The following FBXL16 variants were observed in gnomAD, a reference collection of about 807,000 sequenced individuals.
The protein encoded by FBXL16 is F-box and leucine rich repeat protein 16, also known as F-box/LRR-repeat protein 16.
In FBXL16, 7 loss-of-function variants were observed where a neutral mutation model predicts 36.7. The ratio of observed to expected loss-of-function variants is 0.19; its 90% CI spans 0.11 to 0.36. The LOEUF is 0.36. Among genes scored for constraint, FBXL16 ranks in the 10% least tolerant of loss-of-function variants. FBXL16 has a pLI of 1.00. For synonymous variants in FBXL16, 355 were observed against 308.7 expected (o/e 1.15, Z -1.57); for missense variants, 463 against 659.4 (o/e 0.70, Z 3.26).
Position 695,492 on chromosome 16 carries a change from C to G in FBXL16, c.1065G>C (p.Trp355Cys). The G allele has an allele frequency of 6.3e-7, 1 of 1,590,664 alleles. No individual in the cohort carries two copies. The change falls in exon 3 of 6, where the codon TGG becomes TGC. Residue 355 changes from tryptophan to cysteine, a missense_variant. By Grantham distance (215) the Trp-to-Cys change is radical (BLOSUM62 -2). Coordinates refer to ENST00000397621, the MANE Select transcript of FBXL16 (RefSeq NM_153350.4). ...GCGCCATGTCGGTGATGCGTGGGCA[C>G]CACGAGAGGTCAAGGCTGCGCAGCT... ...LRKLRSLDLS[W>C]CPRITDMALE...
Position 697,458 on chromosome 16 carries a change from T to G in FBXL16, c.-14-39A>C. 6.7e-7 allele frequency: 1 copy of G among 1,487,414 alleles called. No homozygotes were observed. Among genetic ancestry groups the G allele is most frequent in the East Asian group, 2.5e-5 (1 of 39,428 alleles). The allele number at this position is 1,487,414 out of a possible 1,614,324, so 92.1% of individuals were successfully genotyped here. A position where few individuals can be genotyped will look rare whatever the true frequency, so the allele number is the denominator to read the frequency against. Reference sequence around the variant, plus strand: ...CCGGGAGGGGGAGTGAGTCTGTTGCTGAGTCTGGAAGGCCGGGGTTGGGGG... The same window carrying G: ...CCGGGAGGGGGAGTGAGTCTGTTGCGGAGTCTGGAAGGCCGGGGTTGGGGG... On this transcript the variant is annotated intron_variant, in intron 1 of 5. Transcript: ENST00000397621. The surrounding 1 kb of genome is among the most constrained non-coding windows in gnomAD (Gnocchi z 4.6).
chr16:698,342 G>C (rs1263722200), intron 1 of FBXL16, among the ~76,000 whole-genome samples: 1 of 152,026 alleles, frequency 6.6e-6, no homozygotes, highest in Non-Finnish European at 1.5e-5. Context: ...AAGAAACGCC[G>C]ACACTTTTTA....
intron 2 of FBXL16, among the ~76,000 whole-genome samples, chr16:696,246 T>TATTTATTC (rs10664962): frequency 0.25 from 36,834 of 150,048 alleles, 5,470 homozygotes; most frequent in East Asian, 0.7. Flanking sequence ...TTTATTTATT[T>TATTTATTC]ATTCATTCAT....
rs544887073 is a variant in FBXL16, at chr16:703,861, C to A, written c.-15+1651G>T. ...TGCTGGGATCCAGGCCTCATCTCAG[C>A]CCCTGCTCGGAAGAGCATGAGCACC... is the stretch of plus-strand genomic sequence containing the variant. On this transcript the variant is annotated intron_variant, in intron 1 of 5. Coordinates refer to ENST00000397621, the MANE Select transcript of FBXL16 (RefSeq NM_153350.4). Among the ~76,000 whole-genome samples, 11 of 152,368 alleles carry A rather than the reference C, an allele frequency of 7.2e-5. No individual in the cohort carries two copies. In the South Asian group the frequency reaches 2.3e-3, roughly 32 times the overall value.
In FBXL16 at chr16:697,331, G is replaced by C; in HGVS notation, c.75C>G (p.Gly25=). 1 of 1,535,710 alleles carries C rather than the reference G, an allele frequency of 6.5e-7. No homozygotes were observed. Among genetic ancestry groups the C allele is most frequent in the Non-Finnish European group, 8.7e-7 (1 of 1,146,802 alleles). The change falls in exon 2 of 6, where the codon GGC becomes GGG. Residue 25 remains glycine (G), a synonymous_variant. Coordinates refer to ENST00000397621, the MANE Select transcript of FBXL16 (RefSeq NM_153350.4). The surrounding 1 kb of genome is among the most constrained non-coding windows in gnomAD (Gnocchi z 4.6). ...TGGCCGCACCCAGGCCGTTGGGCTG[G>C]CCCGGCAGCTTCACCAGACCGTTTC... ...LPRNGLVKLP[G]QPNGLGAASI...
chr16:699,257 G>C (rs2151521628), intron 1 of FBXL16, among the ~76,000 whole-genome samples: 1 of 152,368 alleles, frequency 6.6e-6, no homozygotes, highest in South Asian at 2.1e-4. Context: ...GCACAGGGTG[G>C]AGTGGGAGCA....
chr16:700,978 G>A (rs2040052145), intron 1 of FBXL16, among the ~76,000 whole-genome samples: 1 of 152,218 alleles, frequency 6.6e-6, no homozygotes, highest in Admixed American at 6.5e-5. Context: ...CGGCGGGGGC[G>A]GCGCCAGGGG....
chr16:693,730 G>C lies in FBXL16; in HGVS notation c.*545C>G, dbSNP rs370731421. ...GGCCTGTTTCCCCTGACACCCCTCG[G>C]AGGGCTCCAGGTATGGTGCGGTGGA... On this transcript the variant is annotated 3_prime_UTR_variant, in exon 6 of 6. Transcript: ENST00000397621. 3 of 153,182 alleles carry C rather than the reference G, an allele frequency of 2.0e-5. No homozygotes were observed. Among genetic ancestry groups the C allele is most frequent in the Non-Finnish European group, 2.9e-5 (2 of 68,540 alleles). The allele number at this position is 153,182 out of a possible 1,614,324, so 9.5% of individuals were successfully genotyped here.
At position 697,999 on chromosome 16, in the gene FBXL16, CAAA is replaced by C. The variant is rs75619896; in HGVS notation, c.-14-583_-14-581del. On this transcript the variant is annotated intron_variant, in intron 1 of 5. Transcript: ENST00000397621. The surrounding 1 kb of genome is among the most constrained non-coding windows in gnomAD (Gnocchi z 4.6). ...TGGGCAACTGAGCAAGACTCTGTCTCAAAAAAAAAAAAAAGAAACAGTTTCACT... is the reference window on the plus strand; with the variant it reads ...TGGGCAACTGAGCAAGACTCTGTCTCAAAAAAAAAAAGAAACAGTTTCACT... Among the ~76,000 whole-genome samples the C allele has an allele frequency of 3.0e-5, 4 of 133,324 alleles. No individual in the cohort carries two copies. The highest frequency in any genetic ancestry group is 2.7e-5 in the African/African-American group (1 of 36,534). 87.5% of individuals were successfully genotyped at this position (133,324 alleles called of 152,430 possible). A position where few individuals can be genotyped will look rare whatever the true frequency, so the allele number is the denominator to read the frequency against.
chr16:704,648 C>T (rs2040078453), intron 1 of FBXL16, among the ~76,000 whole-genome samples: 2 of 152,236 alleles, frequency 1.3e-5, no homozygotes, highest in South Asian at 4.1e-4. Context: ...GGGAGACGGC[C>T]CTGTGTCCAG....
chr16:701,665 C>G (rs1567299856), intron 1 of FBXL16, among the ~76,000 whole-genome samples: 1 of 152,200 alleles, frequency 6.6e-6, no homozygotes, highest in Non-Finnish European at 1.5e-5. Flanking sequence ...ACAGAGCCCC[C>G]TTTCCTGCTT....
intron 1 of FBXL16, among the ~76,000 whole-genome samples, chr16:704,108 G>A (rs538942548): frequency 6.6e-6 from 1 of 152,360 alleles, no homozygotes; most frequent in South Asian, 2.1e-4. Flanking sequence ...CACAGCAGTG[G>A]GTGCCCACAT....
At chr16:704,447 G>A (rs948600845) in intron 1 of FBXL16, among the ~76,000 whole-genome samples, 1 of 152,240 alleles carries the variant, frequency 6.6e-6, no homozygotes, top group African/African-American at 2.4e-5. Context: ...GATGTTTGCA[G>A]CTGGGCCTTG....
At chr16:694,959 G>T in intron 4 of FBXL16, 33 bp downstream of exon 4, 1 of 1,481,136 alleles carries the variant, frequency 6.8e-7, no homozygotes, top group Non-Finnish European at 9.1e-7. Context: ...CCTCCCCGCC[G>T]ATCCCCCAAT....
intron 1 of FBXL16, among the ~76,000 whole-genome samples, chr16:700,679 G>T (rs1045295320): frequency 4.6e-5 from 7 of 152,058 alleles, no homozygotes; most frequent in African/African-American, 1.7e-4. Context: ...AATATCCTCC[G>T]TGCCCCTAGA....
chr16:694,783 T>A, intron 4 of FBXL16, 86 bp from the exon 5 acceptor site: 1 of 1,440,102 alleles, frequency 6.9e-7, no homozygotes. Context: ...CTAGGCGGGT[T>A]CAAGCCCGGG....
chr16:705,414 G>GCCCCCCCCCC (rs1567300885), intron 1 of FBXL16, 98 bp downstream of exon 1: 4 of 149,500 alleles, frequency 2.7e-5, no homozygotes, highest in African/African-American at 9.8e-5. Flanking sequence ...CGGCGGCGCG[G>GCCCCCCCCCC]CCCCCACCCC....
chr16:696,775 C>T lies in FBXL16; in HGVS notation c.631G>A (p.Glu211Lys). The T allele has an allele frequency of 7.4e-7, 1 of 1,350,606 alleles. No homozygotes were observed. The allele number at this position is 1,350,606 out of a possible 1,614,324, so 83.7% of individuals were successfully genotyped here. The change falls in exon 2 of 6, where the codon GAG (glutamate) becomes AAG (lysine). Residue 211 changes from glutamate to lysine, a missense_variant and splice_region_variant. Glu to Lys is a moderately conservative substitution (Grantham distance 56). Around this residue, in one of 3 missense-constraint regions of FBXL16, gnomAD observed 263 missense variants for 341.1 expected, o/e 0.77. Transcript: ENST00000397621. The stretch of plus-strand genomic sequence containing the variant: ...TCCCCCCCGAGCCTGGTGCACACCT[C>T]GAGGCCTGCGTCCGTGATGGTGGAG... ...KRSTITDAGL[E>K]VMLEQMQGVV...
At chr16:705,281 C>G (rs1225656953) in intron 1 of FBXL16, among the ~76,000 whole-genome samples, 1 of 152,134 alleles carries the variant, frequency 6.6e-6, no homozygotes, top group Non-Finnish European at 1.5e-5. Context: ...CAGTGGGGAG[C>G]GGCCCTCTTC....
Sources: allele counts gnomAD v4.1 joint callset (sites outside exome capture counted in the v4.1 genomes callset), GRCh38; gene constraint gnomAD v4.1.1; regional missense constraint gnomAD v4.1.1; non-coding constraint Gnocchi (gnomAD v3.1); transcripts MANE v1.5; gene names NCBI Gene and HGNC (gene_info 2026-07-23, HGNC 2026-07-21).